ERC2: variants seen among roughly 807,000 people sequenced by gnomAD.
The protein encoded by ERC2 is ELKS/RAB6-interacting/CAST family member 2.
In ERC2, 42 loss-of-function variants were observed where a neutral mutation model predicts 114.8. The observed-to-expected ratio is 0.37, with a 90% CI of 0.29 to 0.47. The LOEUF is 0.47. ERC2 is among the 20% of genes least tolerant of loss of function. ERC2 has a pLI of 0.99. For missense variants in ERC2, 939 were observed against 1,150.7 expected, an observed-to-expected ratio of 0.82 and a Z score of 2.66; for synonymous variants, 454 against 425.5, an observed-to-expected ratio of 1.07 and a Z score of -0.82.
At chr3:56,020,051 G>T (rs565877544) in intron 7 of ERC2, among the ~76,000 whole-genome samples, 1 of 152,052 alleles carries the variant, frequency 6.6e-6, no homozygotes. Context: ...ATCTGGAATG[G>T]TAATCCAAAT....
At chr3:56,211,232 G>C (rs574779893) in intron 3 of ERC2, among the ~76,000 whole-genome samples, 57 of 152,040 alleles carry the variant, frequency 3.7e-4, no homozygotes, top group Non-Finnish European at 6.3e-4. Context: ...CCTAGAACTA[G>C]TAAATGAATT....
At chr3:56,005,639 G>A (rs184379402) in intron 10 of ERC2, among the ~76,000 whole-genome samples, 39 of 152,128 alleles carry the variant, frequency 2.6e-4, no homozygotes, top group Non-Finnish European at 4.4e-4. Context: ...TGACTCATCA[G>A]AGTAGGTGGA....
rs191048537 is a variant in ERC2 at position 56,308,026 on chromosome 3, C to T, written c.658-11591G>A. On this transcript the variant is annotated intron_variant, in intron 2 of 17. Coordinates refer to ENST00000288221, the MANE Select transcript of ERC2 (RefSeq NM_015576.3). ...GCTTAGCTATAGCTAGATTGAGGGG[C>T]TGGGGGTGCAGAGAGTTTCCTTAAC... is the stretch of plus-strand genomic sequence containing the variant. Among the ~76,000 whole-genome samples, 324 of 152,224 alleles carry T rather than the reference C, an allele frequency of 2.1e-3. 1 individual carries two copies. Among genetic ancestry groups the T allele is most frequent in the Non-Finnish European group, 3.6e-3 (248 of 67,998 alleles).
At chr3:56,171,842 T>TC (rs1339703644) in intron 4 of ERC2, among the ~76,000 whole-genome samples, 109 of 110,852 alleles carry the variant, frequency 9.8e-4, no homozygotes, top group Middle Eastern at 4.3e-3. Flanking sequence ...GGAAACTCGC[T>TC]CTTTTTTTTT....
Position 56,010,354 on chromosome 3 carries a change from C to G in ERC2, c.1920+95G>C, listed in dbSNP as rs116349881. The stretch of plus-strand genomic sequence containing the variant: ...TTACTACATTCCCCAAGCCTTCATA[C>G]AGTGCCTCCTACTAAGTCTCTAGTC... On this transcript the variant is annotated intron_variant, in intron 9 of 17. Coordinates refer to ENST00000288221, the MANE Select transcript of ERC2 (RefSeq NM_015576.3). 1.8e-5 allele frequency: 26 copies of G among 1,405,752 alleles called. No individual in the cohort carries two copies. In the African/African-American group the frequency reaches 2.3e-4, roughly 12 times the overall value. The allele number at this position is 1,405,752 out of a possible 1,614,324, so 87.1% of individuals were successfully genotyped here.
intron 14 of ERC2, among the ~76,000 whole-genome samples, chr3:55,833,929 T>C (rs979877785): frequency 1.3e-5 from 2 of 150,888 alleles, no homozygotes; most frequent in African/African-American, 2.4e-5. Context: ...ACCAAGCAAA[T>C]GGAAAACAAA....
intron 8 of ERC2, among the ~76,000 whole-genome samples, chr3:56,014,504 G>T (rs2073171802): frequency 6.6e-6 from 1 of 152,098 alleles, no homozygotes; most frequent in Admixed American, 6.6e-5. Context: ...GAGAGAAGAG[G>T]CTTGCCCAGG....
intron 14 of ERC2, among the ~76,000 whole-genome samples, chr3:55,869,955 C>T (rs1401570005): frequency 6.6e-6 from 1 of 152,138 alleles, no homozygotes; most frequent in Non-Finnish European, 1.5e-5. Flanking sequence ...GAGGACAGAA[C>T]TGTCCTAAAC....
chr3:56,032,901 CAG>C (rs1421900849), intron 7 of ERC2, among the ~76,000 whole-genome samples: 1 of 36,864 alleles, frequency 2.7e-5, no homozygotes, highest in African/African-American at 8.4e-5. Flanking sequence ...GAGAGAGAGA[CAG>C]AAAGAAAGAA....
intron 13 of ERC2, among the ~76,000 whole-genome samples, chr3:55,890,765 C>A (rs2149324017): frequency 6.6e-6 from 1 of 152,340 alleles, no homozygotes; most frequent in East Asian, 1.9e-4. Context: ...CTCCTCTCAA[C>A]ATCTTGGAGA....
intron 14 of ERC2, among the ~76,000 whole-genome samples, chr3:55,810,802 C>T (rs1023866716): frequency 1.3e-5 from 2 of 152,130 alleles, no homozygotes; most frequent in African/African-American, 4.8e-5. Context: ...CTATATGATA[C>T]CTTAATGGGT....
At chr3:56,016,402 T>G (rs1320694975) in intron 8 of ERC2, among the ~76,000 whole-genome samples, 1 of 150,708 alleles carries the variant, frequency 6.6e-6, no homozygotes, top group African/African-American at 2.4e-5. Context: ...GAGTCATGGG[T>G]CTTTTTGTAG....
intron 7 of ERC2, among the ~76,000 whole-genome samples, chr3:56,076,995 T>C (rs10510779): frequency 0.13 from 20,332 of 152,148 alleles, 1,455 homozygotes; most frequent in East Asian, 0.15. Flanking sequence ...TATTAAGTAA[T>C]ACTGCATGTC....
At chr3:56,187,637 C>T (rs1197108351) in intron 3 of ERC2, among the ~76,000 whole-genome samples, 1 of 152,120 alleles carries the variant, frequency 6.6e-6, no homozygotes, top group Non-Finnish European at 1.5e-5. Flanking sequence ...ATGGCTGCTA[C>T]CACCATGAGG....
rs982811901 is a variant in ERC2 at position 56,046,072 on chromosome 3, T to C, written c.1642-27041A>G. Among the ~76,000 whole-genome samples the C allele has an allele frequency of 2.0e-5, 3 of 152,176 alleles. No homozygotes were observed. In the South Asian group the frequency reaches 6.2e-4, roughly 32 times the overall value. On this transcript the variant is annotated intron_variant, in intron 7 of 17. Coordinates refer to ENST00000288221, the MANE Select transcript of ERC2 (RefSeq NM_015576.3). Reference sequence around the variant, plus strand: ...CCAGGGAGAGGTATGGTAATTCACATGTTAAACAAGTGCTACAGGTGATTT... The same window carrying C: ...CCAGGGAGAGGTATGGTAATTCACACGTTAAACAAGTGCTACAGGTGATTT...
intron 14 of ERC2, among the ~76,000 whole-genome samples, chr3:55,772,820 C>T (rs2068323833): frequency 6.6e-6 from 1 of 152,122 alleles, no homozygotes; most frequent in Non-Finnish European, 1.5e-5. Flanking sequence ...CTTCCCATTT[C>T]TCAGACCCAA....
At chr3:55,531,540 T>A (rs576344430) in intron 17 of ERC2, among the ~76,000 whole-genome samples, 1 of 152,212 alleles carries the variant, frequency 6.6e-6, no homozygotes, top group Admixed American at 6.5e-5. Flanking sequence ...GCTAGCAGAA[T>A]GTCAGAGCAC....
At chr3:55,546,969 A>T (rs1473926724) in intron 17 of ERC2, among the ~76,000 whole-genome samples, 1 of 152,260 alleles carries the variant, frequency 6.6e-6, no homozygotes, top group Non-Finnish European at 1.5e-5. Context: ...TCTCTGGAAC[A>T]GAGTTTAAGT....
At chr3:56,063,085 A>G (rs1450500872) in intron 7 of ERC2, among the ~76,000 whole-genome samples, 1 of 152,226 alleles carries the variant, frequency 6.6e-6, no homozygotes. Context: ...GTTTCAATGC[A>G]TTATGCTAAG....
Sources: allele counts gnomAD v4.1 joint callset (sites outside exome capture counted in the v4.1 genomes callset), GRCh38; gene constraint gnomAD v4.1.1; transcripts MANE v1.5; gene names NCBI Gene and HGNC (gene_info 2026-07-23, HGNC 2026-07-21).